DDX6: variants seen among roughly 807,000 people sequenced by gnomAD.
The protein encoded by DDX6 is probable ATP-dependent RNA helicase DDX6.
A neutral mutation model predicts 60.6 loss-of-function variants in DDX6; 7 were observed. The ratio of observed to expected loss-of-function variants is 0.12; its 90% CI spans 0.07 to 0.22. DDX6 has a LOEUF of 0.22. Among genes scored for constraint, DDX6 ranks in the 10% least tolerant of loss-of-function variants. DDX6 has a pLI of 1.00. For synonymous variants in DDX6, 207 were observed against 201.0 expected, an observed-to-expected ratio of 1.03 and a Z score of -0.25; for missense variants, 270 against 589.9, an observed-to-expected ratio of 0.46 and a Z score of 5.62.
chr11:118,775,469 T>C (rs1393592368), intron 4 of DDX6, among the ~76,000 whole-genome samples: 1 of 152,116 alleles, frequency 6.6e-6, no homozygotes, highest in Non-Finnish European at 1.5e-5. Flanking sequence ...CTCTGATTGA[T>C]TCTAAGAAAC....
rs200480268 is a variant in DDX6, at chr11:118,776,831, C to CAA, written c.369+2799_369+2800dup. 1.1e-4 allele frequency among the ~76,000 whole-genome samples: 10 copies of CAA among 94,512 alleles called. No individual in the cohort carries two copies. In the East Asian group the frequency reaches 1.1e-3, roughly 11 times the overall value. 62.0% of individuals were successfully genotyped at this position (94,512 alleles called of 152,430 possible). A position where few individuals can be genotyped will look rare whatever the true frequency, so the allele number is the denominator to read the frequency against. On this transcript the variant is annotated intron_variant, in intron 4 of 13. Transcript: ENST00000534980. ...CTGGCAACAGAGTAAGGCTCTGTCT[C>CAA]AAAAAAAAAAAAAAGAAAGAAAAAA...
At chr11:118,767,073 G>C (rs1368448113) in intron 5 of DDX6, among the ~76,000 whole-genome samples, 3 of 151,852 alleles carry the variant, frequency 2.0e-5, no homozygotes, top group Non-Finnish European at 4.4e-5. Context: ...TTTTAGTAGA[G>C]ACAGGGTTTT....
intron 13 of DDX6, among the ~76,000 whole-genome samples, chr11:118,753,183 C>T (rs1860839235): frequency 6.6e-6 from 1 of 151,954 alleles, no homozygotes; most frequent in African/African-American, 2.4e-5. Context: ...CGCCCGCCAC[C>T]ATGCCTGGCT....
At chr11:118,778,202 T>C (rs1555164011) in intron 4 of DDX6, among the ~76,000 whole-genome samples, 3 of 152,018 alleles carry the variant, frequency 2.0e-5, no homozygotes, top group Non-Finnish European at 4.4e-5. Context: ...GAATCACCAA[T>C]GGGTGCTAAA....
At chr11:118,771,181 G>GT (rs1555162506) in intron 4 of DDX6, among the ~76,000 whole-genome samples, 1 of 152,180 alleles carries the variant, frequency 6.6e-6, no homozygotes, top group African/African-American at 2.4e-5. Flanking sequence ...TATTGAAAAA[G>GT]TAAGATAGGT....
chr11:118,781,034 A>G (rs1591921364), intron 3 of DDX6, 87 bp downstream of exon 3: 2 of 892,284 alleles, frequency 2.2e-6, no homozygotes, highest in Non-Finnish European at 3.6e-6. Flanking sequence ...TGGTCCTGAA[A>G]CCAATTCCCT....
At position 118,755,521 on chromosome 11, in the gene DDX6, A is replaced by C. The variant is rs556361628; in HGVS notation, c.1175-18T>G. 6.4e-6 allele frequency: 9 copies of C among 1,404,874 alleles called. No individual in the cohort carries two copies. In the East Asian group the frequency reaches 9.1e-5, roughly 14 times the overall value. 87.0% of individuals were successfully genotyped at this position (1,404,874 alleles called of 1,614,324 possible). A position where few individuals can be genotyped will look rare whatever the true frequency, so the allele number is the denominator to read the frequency against. Reference sequence around the variant, plus strand: ...AAACAGATCTTAAAAAAAAAAAGATAATTTTCATTTTTTCAATTTAGAAAT... The same window carrying C: ...AAACAGATCTTAAAAAAAAAAAGATCATTTTCATTTTTTCAATTTAGAAAT... On this transcript the variant is annotated intron_variant, in intron 11 of 13. Transcript: ENST00000534980.
chr11:118,785,907 C>T (rs1565580692), intron 2 of DDX6, 145 bp downstream of exon 2: 5 of 660,172 alleles, frequency 7.6e-6, no homozygotes, highest in Non-Finnish European at 9.8e-6. Context: ...ATTGCAAATA[C>T]CTACTGGCCA....
At chr11:118,768,539 A>T (rs1861430532) in intron 4 of DDX6, among the ~76,000 whole-genome samples, 187 bp from the exon 5 acceptor site, 1 of 152,224 alleles carries the variant, frequency 6.6e-6, no homozygotes, top group Non-Finnish European at 1.5e-5. Context: ...CAACATCATT[A>T]TAAACCAGTA....
At chr11:118,773,423 T>A (rs1861600082) in intron 4 of DDX6, among the ~76,000 whole-genome samples, 2 of 151,076 alleles carry the variant, frequency 1.3e-5, no homozygotes, top group Non-Finnish European at 3.0e-5. Flanking sequence ...TACAAAAAAA[T>A]TAGCCGGGCG....
At position 118,779,724 on chromosome 11, in the gene DDX6, T is replaced by C. The variant is rs1555164286; in HGVS notation, c.277A>G (p.Thr93Ala). ...TAATCTTCAAACTCATTTCCTTTTG[T>C]GGAGGTCACATCCTAGTCAAACAAA... Reference protein sequence around the residue: ...LRIKTSDVTSTKGNEFEDYCL... With the variant: ...LRIKTSDVTSAKGNEFEDYCL... The change falls in exon 4 of 14, where the codon ACA (threonine) becomes GCA (alanine). Residue 93 changes from threonine (T) to alanine (A), a missense_variant. By Grantham distance (58) the Thr-to-Ala change is moderately conservative. This residue lies in a region of DDX6 where 102 missense variants were observed against 110.5 expected (regional missense o/e 0.92). Transcript: ENST00000534980. 1 of 1,607,354 alleles carries C rather than the reference T, an allele frequency of 6.2e-7. No homozygotes were observed. The highest frequency in any genetic ancestry group is 1.7e-5 in the Admixed American group (1 of 59,134).
chr11:118,759,141 C>G lies in DDX6; in HGVS notation c.865-239G>C, dbSNP rs532596969. 391 of 373,842 alleles carry G rather than the reference C, an allele frequency of 1.0e-3. 3 individuals carry two copies. Among genetic ancestry groups the G allele is most frequent in the African/African-American group, 7.7e-3 (368 of 47,818 alleles). 23.2% of individuals were successfully genotyped at this position (373,842 alleles called of 1,614,324 possible). A position where few individuals can be genotyped will look rare whatever the true frequency, so the allele number is the denominator to read the frequency against. On this transcript the variant is annotated intron_variant, in intron 8 of 13. Coordinates refer to ENST00000534980, the MANE Select transcript of DDX6 (RefSeq NM_004397.6). ...GTGGCACGATCTCTGCTCCCTGCAA[C>G]CTCCACCTCCCGGGTTCAAGTGATT...
At chr11:118,769,232 A>C (rs1252990710) in intron 4 of DDX6, among the ~76,000 whole-genome samples, 1 of 152,150 alleles carries the variant, frequency 6.6e-6, no homozygotes, top group Non-Finnish European at 1.5e-5. Context: ...TAGCTTGGAC[A>C]CCTCATCCCT....
chr11:118,785,355 G>A (rs528757231), intron 2 of DDX6, among the ~76,000 whole-genome samples: 76 of 151,884 alleles, frequency 5.0e-4, no homozygotes, highest in Non-Finnish European at 8.8e-4. Flanking sequence ...ATATGTAAAA[G>A]GAGGAAAAAA....
intron 2 of DDX6, among the ~76,000 whole-genome samples, chr11:118,785,660 T>C (rs1056687422): frequency 2.0e-5 from 3 of 152,094 alleles, no homozygotes; most frequent in Non-Finnish European, 2.9e-5. Flanking sequence ...ATTTAATACA[T>C]AAAGTTGGCT....
chr11:118,777,415 T>C (rs1555163801), intron 4 of DDX6, among the ~76,000 whole-genome samples: 1 of 152,200 alleles, frequency 6.6e-6, no homozygotes, highest in African/African-American at 2.4e-5. Flanking sequence ...TGTGTGGATA[T>C]GTATATACAT....
In DDX6 at chr11:118,747,901, G is replaced by GACC. The variant is rs1352818982; in HGVS notation, c.*4203_*4204insGGT. On this transcript the variant is annotated 3_prime_UTR_variant, in exon 14 of 14. Transcript: ENST00000534980. Reference sequence around the variant, plus strand: ...CATAACACATCCCAACAAAAACAGAGCCCCCCCCCCCCCCACTGGAACATC... The same window carrying GACC: ...CATAACACATCCCAACAAAAACAGAGACCCCCCCCCCCCCCCCACTGGAACATC... 9.9e-6 allele frequency: 1 copy of GACC among 101,138 alleles called. No homozygotes were observed. The highest frequency in any genetic ancestry group is 1.9e-5 in the Non-Finnish European group (1 of 51,572). The allele number at this position is 101,138 out of a possible 1,614,324, so 6.3% of individuals were successfully genotyped here.
Position 118,748,896 on chromosome 11 carries a change from A to G in DDX6, c.*3209T>C, listed in dbSNP as rs1407606126. On this transcript the variant is annotated 3_prime_UTR_variant, in exon 14 of 14. Coordinates refer to ENST00000534980, the MANE Select transcript of DDX6 (RefSeq NM_004397.6). ...CACGTGGCAAAGGAAAGATGCTCCC[A>G]TCTCATTCTGAAAACAAATACTGAT... The G allele has an allele frequency of 1.3e-5, 2 of 152,228 alleles. No homozygotes were observed. Among genetic ancestry groups the G allele is most frequent in the Non-Finnish European group, 2.9e-5 (2 of 68,052 alleles). The allele number at this position is 152,228 out of a possible 1,614,324, so 9.4% of individuals were successfully genotyped here.
chr11:118,774,464 CTTTTT>C (rs11442846), intron 4 of DDX6, among the ~76,000 whole-genome samples: 4 of 116,406 alleles, frequency 3.4e-5, no homozygotes, highest in African/African-American at 6.5e-5. Context: ...CTCTAACAGT[CTTTTT>C]TTTTTTTTTT....
Sources: allele counts gnomAD v4.1 joint callset (sites outside exome capture counted in the v4.1 genomes callset), GRCh38; gene constraint gnomAD v4.1.1; regional missense constraint gnomAD v4.1.1; transcripts MANE v1.5; gene names NCBI Gene and HGNC (gene_info 2026-07-23, HGNC 2026-07-21).